Variants in TOP1MT observed in about 807,000 individuals in gnomAD.
TOP1MT encodes the protein DNA topoisomerase I mitochondrial, also known as DNA topoisomerase I, mitochondrial.
Under a neutral mutation model 73.9 loss-of-function variants are expected in TOP1MT, and 80 were observed. The observed-to-expected ratio is 1.08, with a 90% CI of 0.90 to 1.30. The LOEUF (loss-of-function observed/expected upper bound fraction) is 1.30. TOP1MT is among the 50% of genes most tolerant of loss of function. The pLI, the probability that TOP1MT is intolerant of heterozygous loss-of-function variation, is 0.00. For synonymous variants in TOP1MT, 338 were observed against 326.4 expected (o/e 1.04, Z -0.38); for missense variants, 815 against 808.0 (o/e 1.01, Z -0.10).
intron 12 of TOP1MT, among the ~76,000 whole-genome samples, chr8:143,315,171 C>T (rs537466496): frequency 1.6e-4 from 25 of 151,808 alleles, no homozygotes; most frequent in African/African-American, 4.8e-4. Flanking sequence ...GGCCTGACAT[C>T]AGTCAGGCTC....
rs912571568 is a variant in TOP1MT, at chr8:143,324,067, G to C, written c.892C>G (p.Arg298Gly). Reference sequence around the variant, plus strand: ...ATTTCCCGAGACTTCCAGTCAGCCCGGTACTGGGAGCGGATCTCGTCCACA... The same window carrying C: ...ATTTCCCGAGACTTCCAGTCAGCCCCGTACTGGGAGCGGATCTCGTCCACA... Reference protein sequence around the residue: ...GFVDEIRSQYRADWKSREMKT... With the variant: ...GFVDEIRSQYGADWKSREMKT... The change falls in exon 7 of 14, where the codon CGG becomes GGG. Residue 298 changes from arginine to glycine, a missense_variant. By Grantham distance (125) the Arg-to-Gly change is moderately radical. Transcript: ENST00000329245. 5 of 1,613,898 alleles carry C rather than the reference G, an allele frequency of 3.1e-6. No homozygotes were observed. The highest frequency in any genetic ancestry group is 3.4e-6 in the Non-Finnish European group (4 of 1,180,034).
upstream of TOP1MT, among the ~76,000 whole-genome samples, chr8:143,339,874 AC>A (rs1817045194): frequency 4.9e-5 from 1 of 20,224 alleles, no homozygotes. Flanking sequence ...GCATTCCCCC[AC>A]TCCCAGCACT....
intron 12 of TOP1MT, 148 bp downstream of exon 12, chr8:143,315,579 A>C: frequency 3.2e-6 from 2 of 633,990 alleles, no homozygotes; most frequent in Non-Finnish European, 5.5e-6. Context: ...CCTTTCTTTT[A>C]TCTCTTTGTC....
At chr8:143,338,627 A>G (rs1342025388), upstream of TOP1MT, among the ~76,000 whole-genome samples, 2 of 152,248 alleles carry the variant, frequency 1.3e-5, no homozygotes, top group Non-Finnish European at 2.9e-5. Flanking sequence ...ACATTTCTCC[A>G]AAGATGAGAT....
rs540537086 is a variant in TOP1MT at position 143,328,355 on chromosome 8, C to T, written c.360+995G>A. The T allele has an allele frequency of 1.0e-4, 45 of 436,916 alleles. 1 individual carries two copies. In the East Asian group the frequency reaches 1.4e-3, roughly 14 times the overall value. The allele number at this position is 436,916 out of a possible 1,614,324, so 27.1% of individuals were successfully genotyped here. A position where few individuals can be genotyped will look rare whatever the true frequency, so the allele number is the denominator to read the frequency against. ...CGTTTTTAAAACTCCGATAAATGAG[C>T]GAGGAATACGCAAGCAACTCAGTTT... On this transcript the variant is annotated intron_variant, in intron 3 of 13. Transcript: ENST00000329245.
intron 1 of TOP1MT, among the ~76,000 whole-genome samples, chr8:143,351,679 T>G (rs1449524199): frequency 6.6e-6 from 1 of 151,878 alleles, no homozygotes; most frequent in African/African-American, 2.4e-5. Flanking sequence ...ACAAGAGATA[T>G]AAAGCTTATA....
chr8:143,347,321 A>T (rs1817241519), upstream of TOP1MT, among the ~76,000 whole-genome samples: 1 of 151,944 alleles, frequency 6.6e-6, no homozygotes, highest in Non-Finnish European at 1.5e-5. Flanking sequence ...TGCCCAACAA[A>T]CTTTTTTGTA....
At chr8:143,317,889 G>C (rs1816218817) in intron 9 of TOP1MT, 52 bp from the exon 10 acceptor site, 2 of 1,599,400 alleles carry the variant, frequency 1.3e-6, no homozygotes, top group East Asian at 4.5e-5. Context: ...GGCCGTCCCA[G>C]CCTCCCGCGG....
chr8:143,347,802 C>T (rs909798100), upstream of TOP1MT, among the ~76,000 whole-genome samples: 8 of 152,252 alleles, frequency 5.3e-5, no homozygotes, highest in African/African-American at 1.9e-4. Context: ...CACCCTCAGT[C>T]CAAGGTGGGC....
At chr8:143,321,038 T>C (rs1012727630) in intron 8 of TOP1MT, among the ~76,000 whole-genome samples, 163 bp downstream of exon 8, 1 of 151,964 alleles carries the variant, frequency 6.6e-6, no homozygotes, top group African/African-American at 2.4e-5. Flanking sequence ...GTGCACAGCC[T>C]CTCCTTCACC....
At chr8:143,332,634 C>T in intron 1 of TOP1MT, 1 of 1,187,564 alleles carries the variant, frequency 8.4e-7, no homozygotes, top group Non-Finnish European at 1.1e-6. Flanking sequence ...ACAGACATTT[C>T]TGAAAGGGCC....
upstream of TOP1MT, among the ~76,000 whole-genome samples, chr8:143,347,955 G>T (rs1019186245): frequency 6.6e-6 from 1 of 152,224 alleles, no homozygotes. Flanking sequence ...TGAGGAGGGT[G>T]AGGAGGGGTG....
intron 8 of TOP1MT, among the ~76,000 whole-genome samples, chr8:143,319,323 C>T (rs920239762): frequency 1.3e-5 from 2 of 151,284 alleles, no homozygotes; most frequent in Non-Finnish European, 2.9e-5. Flanking sequence ...GAGACTAGGT[C>T]TGGCTCTGTC....
At chr8:143,355,601 G>A (rs1466505748) in intron 1 of TOP1MT, among the ~76,000 whole-genome samples, 1 of 152,196 alleles carries the variant, frequency 6.6e-6, no homozygotes, top group African/African-American at 2.4e-5. Flanking sequence ...GTTAACCACA[G>A]TAACAATCTG....
upstream of TOP1MT, among the ~76,000 whole-genome samples, chr8:143,338,760 C>A (rs10866910): frequency 6.6e-6 from 1 of 151,942 alleles, no homozygotes; most frequent in Non-Finnish European, 1.5e-5. Context: ...CTGGGGAGGG[C>A]GTGGAAAAGT....
upstream of TOP1MT, chr8:143,334,895 C>A: frequency 2.8e-6 from 4 of 1,407,646 alleles, no homozygotes; most frequent in Non-Finnish European, 3.7e-6. Context: ...ACAAGCTGGG[C>A]CCCGCCCCAG....
Position 143,325,450 on chromosome 8 carries a change from G to C in TOP1MT, c.567C>G (p.Phe189Leu). ...GGAACAAGCCAGGCGGCTCAATCTT[G>C]AAGTTGCCTATTTTTTCTTGGTGAC... ...LDGHQEKIGN[F>L]KIEPPGLFRG... The change falls in exon 5 of 14, where the codon TTC becomes TTG. Residue 189 changes from phenylalanine to leucine, a missense_variant. Phe to Leu is a conservative substitution (Grantham distance 22). Transcript: ENST00000329245. 6.2e-7 allele frequency: 1 copy of C among 1,613,662 alleles called. No homozygotes were observed. The highest frequency in any genetic ancestry group is 2.2e-5 in the East Asian group (1 of 44,866).
At chr8:143,321,106 C>A (rs187715369) in intron 8 of TOP1MT, 95 bp downstream of exon 8, 2 of 1,339,794 alleles carry the variant, frequency 1.5e-6, no homozygotes, top group Admixed American at 4.6e-5. Flanking sequence ...ACGTGGCAAA[C>A]GGGCCACAGA....
At position 143,318,581 on chromosome 8, in the gene TOP1MT, G is replaced by T. The variant is rs544143705; in HGVS notation, c.1147-495C>A. On this transcript the variant is annotated intron_variant, in intron 8 of 13. Coordinates refer to ENST00000329245, the MANE Select transcript of TOP1MT (RefSeq NM_052963.3). ...CCAGCCTGCACCTGCACCCATGCCT[G>T]CCCTCCCCTCAGTTTCACCTGCTGG... is the stretch of plus-strand genomic sequence containing the variant. Among the ~76,000 whole-genome samples, 3 of 152,260 alleles carry T rather than the reference G, an allele frequency of 2.0e-5. No individual in the cohort carries two copies. The South Asian group carries it at 6.2e-4, about 32-fold the overall frequency.
Sources: gnomAD v4.1 joint callset for allele counts (sites outside exome capture counted in the v4.1 genomes callset) on GRCh38, gnomAD v4.1.1 for gene constraint, MANE v1.5 for transcripts, NCBI Gene and HGNC (gene_info 2026-07-23, HGNC 2026-07-21) for gene names.